The following COL7A1 variants were observed in gnomAD, a reference collection of about 807,000 sequenced individuals.
COL7A1 encodes the protein collagen type VII alpha 1 chain.
A neutral mutation model predicts 456.2 loss-of-function variants in COL7A1; 296 were observed. The ratio of observed to expected loss-of-function variants is 0.65; its 90% CI spans 0.59 to 0.71. The LOEUF (loss-of-function observed/expected upper bound fraction) is 0.71, where lower values mean the gene tolerates loss of function less well. COL7A1 is among the 30% of genes least tolerant of loss of function. The pLI, the probability that COL7A1 is intolerant of heterozygous loss-of-function variation, is 0.00. For synonymous variants in COL7A1, 1,464 were observed against 1,525.9 expected (o/e 0.96, Z 0.95); for missense variants, 3,441 against 4,017.2 (o/e 0.86, Z 3.88).
In COL7A1 at chr3:48,569,725, C is replaced by T; in HGVS notation, c.7557G>A (p.Lys2519=). The T allele has an allele frequency of 1.9e-6, 3 of 1,614,192 alleles. No homozygotes were observed. The highest frequency in any genetic ancestry group is 2.5e-6 in the Non-Finnish European group (3 of 1,180,016). The change falls in exon 101 of 119, where the codon AAG becomes AAA. Residue 2519 remains lysine (K), a splice_region_variant and synonymous_variant. Transcript: ENST00000681320. The surrounding 1 kb of genome is among the most constrained non-coding windows in gnomAD (Gnocchi z 4.9). ...CTGCCCTCCCCATGCCCACACTCAC[C>T]TTGTCACCCTTTAGTCCTGCACTCC... The part of the protein sequence containing the change: ...DVGSAGLKGD[K]GDSAVILGPP...
At position 48,579,946 on chromosome 3, in the gene COL7A1, A is replaced by G. The variant is rs1054348815; in HGVS notation, c.5124+85T>C. ...AGGGACAGTGGGGGAAGTGGGAGTTAGTGGAAGGAATGAGGGGACATGATG... is the reference window on the plus strand; with the variant it reads ...AGGGACAGTGGGGGAAGTGGGAGTTGGTGGAAGGAATGAGGGGACATGATG... On this transcript the variant is annotated intron_variant, in intron 57 of 118. Transcript: ENST00000681320. This position sits in a 1 kb window ranked among gnomAD's most constrained non-coding sequence, Gnocchi z 4.4. 6.2e-7 allele frequency: 1 copy of G among 1,605,408 alleles called. No individual in the cohort carries two copies. Among genetic ancestry groups the G allele is most frequent in the Non-Finnish European group, 8.5e-7 (1 of 1,172,106 alleles).
In COL7A1 at chr3:48,588,705, C is replaced by T. The variant is rs1238130301; in HGVS notation, c.2524G>A (p.Val842Met). ...RGLEGGVSYS[V>M]RVTALVGDRE... is the part of the protein sequence containing the mutation. ...TCCCCGACAAGTGCAGTCACTCGCACTGAGTAGCTGACTCCACCTTCGAGA... is the reference window on the plus strand; with the variant it reads ...TCCCCGACAAGTGCAGTCACTCGCATTGAGTAGCTGACTCCACCTTCGAGA... Residue 842 changes from valine to methionine, a missense_variant, in exon 20 of 119, where the codon GTG (valine) becomes ATG (methionine). Val to Met is a conservative substitution (Grantham distance 21, BLOSUM62 1). Transcript: ENST00000681320. The surrounding 1 kb of genome is among the most constrained non-coding windows in gnomAD (Gnocchi z 4.6). 1.2e-6 allele frequency: 2 copies of T among 1,613,910 alleles called. No homozygotes were observed. Among genetic ancestry groups the T allele is most frequent in the Non-Finnish European group, 1.7e-6 (2 of 1,180,040 alleles).
chr3:48,575,530 C>T lies in COL7A1; in HGVS notation c.5989G>A (p.Gly1997Ser), dbSNP rs1206267242. 5.6e-6 allele frequency: 9 copies of T among 1,612,696 alleles called. No homozygotes were observed. The highest frequency in any genetic ancestry group is 4.0e-5 in the African/African-American group (3 of 74,928). ...QGPPGKEGPI[G>S]FPGERGLKGD... ...TTCAGCCCGCGTTCTCCAGGAAAGC[C>T]GATGGGGCCCTGCAGGAGTGGAAGA... is the stretch of plus-strand genomic sequence containing the variant. The change falls in exon 74 of 119, where the codon GGC (glycine) becomes AGC (serine). Residue 1997 changes from glycine (G) to serine (S), a missense_variant. This residue lies in a region of COL7A1 where 2,084 missense variants were observed against 2,501.3 expected (regional missense o/e 0.83). Coordinates refer to ENST00000681320, the MANE Select transcript of COL7A1 (RefSeq NM_000094.4). This position sits in a 1 kb window ranked among gnomAD's most constrained non-coding sequence, Gnocchi z 6.3.
chr3:48,592,087 GC>G lies in COL7A1; in HGVS notation c.1240+14del. On this transcript the variant is annotated intron_variant, in intron 10 of 118. Coordinates refer to ENST00000681320, the MANE Select transcript of COL7A1 (RefSeq NM_000094.4). This position sits in a 1 kb window ranked among gnomAD's most constrained non-coding sequence, Gnocchi z 7.6. ...CTGCCCGTCCCAGCCTGAAGAAAGT[GC>G]CCAGCCTTCTCACCAGTGCGAGCCA... is the stretch of plus-strand genomic sequence containing the variant. 1 of 1,614,176 alleles carries G rather than the reference GC, an allele frequency of 6.2e-7. No homozygotes were observed. The highest frequency in any genetic ancestry group is 8.5e-7 in the Non-Finnish European group (1 of 1,180,016).
Position 48,574,002 on chromosome 3 carries a change from C to A in COL7A1, c.6502-112G>T. ...ATTTCCATACCTCACCCTTTCCAGTCACAGATAATACCTACCCATGGACTG... is the reference window on the plus strand; with the variant it reads ...ATTTCCATACCTCACCCTTTCCAGTAACAGATAATACCTACCCATGGACTG... On this transcript the variant is annotated intron_variant, in intron 80 of 118. Transcript: ENST00000681320. This position sits in a 1 kb window ranked among gnomAD's most constrained non-coding sequence, Gnocchi z 5.0. 1 of 1,387,584 alleles carries A rather than the reference C, an allele frequency of 7.2e-7. No individual in the cohort carries two copies. The highest frequency in any genetic ancestry group is 1.2e-5 in the South Asian group (1 of 81,046). The allele number at this position is 1,387,584 out of a possible 1,614,324, so 86.0% of individuals were successfully genotyped here.
At position 48,571,610 on chromosome 3, in the gene COL7A1, C is replaced by T. The variant is rs2043925746; in HGVS notation, c.7069-332G>A. On this transcript the variant is annotated intron_variant, in intron 92 of 118. Coordinates refer to ENST00000681320, the MANE Select transcript of COL7A1 (RefSeq NM_000094.4). The surrounding 1 kb of genome is among the most constrained non-coding windows in gnomAD (Gnocchi z 4.6). ...TCAGAGGGGAACCCCAACACGTCCACTCCCGGGTAGAGCAGGCATGGCCAC... is the reference window on the plus strand; with the variant it reads ...TCAGAGGGGAACCCCAACACGTCCATTCCCGGGTAGAGCAGGCATGGCCAC... The T allele has an allele frequency of 3.0e-6, 2 of 660,252 alleles. No individual in the cohort carries two copies. Among genetic ancestry groups the T allele is most frequent in the Admixed American group, 4.2e-5 (2 of 48,164 alleles). 40.9% of individuals were successfully genotyped at this position (660,252 alleles called of 1,614,324 possible). A position where few individuals can be genotyped will look rare whatever the true frequency, so the allele number is the denominator to read the frequency against.
Position 48,581,175 on chromosome 3 carries a change from C to A in COL7A1, c.4900-18G>T. The A allele has an allele frequency of 1.2e-6, 2 of 1,613,686 alleles. No homozygotes were observed. Among genetic ancestry groups the A allele is most frequent in the Non-Finnish European group, 1.7e-6 (2 of 1,179,894 alleles). On this transcript the variant is annotated intron_variant, in intron 52 of 118. Coordinates refer to ENST00000681320, the MANE Select transcript of COL7A1 (RefSeq NM_000094.4). This position sits in a 1 kb window ranked among gnomAD's most constrained non-coding sequence, Gnocchi z 5.8. ...ACTTCACCCTGTGAAACATGAGAGT[C>A]AGCCCTGGTTCCAAGAACCCCCATG...
At position 48,594,684 on chromosome 3, in the gene COL7A1, A is replaced by G; in HGVS notation, c.86-136T>C. 9.2e-7 allele frequency: 1 copy of G among 1,085,268 alleles called. No homozygotes were observed. The highest frequency in any genetic ancestry group is 1.3e-6 in the Non-Finnish European group (1 of 757,202). 67.2% of individuals were successfully genotyped at this position (1,085,268 alleles called of 1,614,324 possible). A position where few individuals can be genotyped will look rare whatever the true frequency, so the allele number is the denominator to read the frequency against. Reference sequence around the variant, plus strand: ...TGCAAACCAGGGCCGAATCGGCCTGAGCCTGAGGGCCTTGGAGGGAGTTGA... The same window carrying G: ...TGCAAACCAGGGCCGAATCGGCCTGGGCCTGAGGGCCTTGGAGGGAGTTGA... On this transcript the variant is annotated intron_variant, in intron 2 of 118. Coordinates refer to ENST00000681320, the MANE Select transcript of COL7A1 (RefSeq NM_000094.4). The surrounding 1 kb of genome is among the most constrained non-coding windows in gnomAD (Gnocchi z 5.5).
intron 37 of COL7A1, 91 bp downstream of exon 37, chr3:48,584,207 G>A (rs1245621392): frequency 6.5e-7 from 1 of 1,547,346 alleles, no homozygotes; most frequent in Non-Finnish European, 8.8e-7. Context: ...TAATCAAAGG[G>A]TCACAAGGGC....
Position 48,589,326 on chromosome 3 carries a change from C to T in COL7A1, c.2314+1G>A. The T allele has an allele frequency of 6.2e-7, 1 of 1,612,482 alleles. No individual in the cohort carries two copies. Among genetic ancestry groups the T allele is most frequent in the Non-Finnish European group, 8.5e-7 (1 of 1,179,968 alleles). On this transcript the variant is annotated splice_donor_variant, in intron 18 of 118. Transcript: ENST00000681320. LOFTEE classifies it high-confidence loss of function. Reference sequence around the variant, plus strand: ...CTAGTAGCTGGCCAGGGTCCACTCACCAGTCCTCACAACCACAGAGGCAGG... The same window carrying T: ...CTAGTAGCTGGCCAGGGTCCACTCATCAGTCCTCACAACCACAGAGGCAGG...
At position 48,575,938 on chromosome 3, in the gene COL7A1, C is replaced by G; in HGVS notation, c.5821-36G>C. On this transcript the variant is annotated intron_variant, in intron 71 of 118. Transcript: ENST00000681320. The surrounding 1 kb of genome is among the most constrained non-coding windows in gnomAD (Gnocchi z 6.3). ...AGTCTGGGTGAAGGGCTGCCCATGACAGAGAAGCTCCTGCCTTCTGCCCCG... is the reference window on the plus strand; with the variant it reads ...AGTCTGGGTGAAGGGCTGCCCATGAGAGAGAAGCTCCTGCCTTCTGCCCCG... 1 of 1,614,124 alleles carries G rather than the reference C, an allele frequency of 6.2e-7. No individual in the cohort carries two copies. Among genetic ancestry groups the G allele is most frequent in the Non-Finnish European group, 8.5e-7 (1 of 1,180,024 alleles).
Position 48,578,248 on chromosome 3 carries a change from T to C in COL7A1, c.5532+73A>G. ...TCTACACGTGTGCCTCATGTGTTGC[T>C]ACAGATCTTGGCTGTGTAGGTGTGC... On this transcript the variant is annotated intron_variant, in intron 65 of 118. Coordinates refer to ENST00000681320, the MANE Select transcript of COL7A1 (RefSeq NM_000094.4). This position sits in a 1 kb window ranked among gnomAD's most constrained non-coding sequence, Gnocchi z 4.7. The C allele has an allele frequency of 1.3e-6, 2 of 1,569,326 alleles. No individual in the cohort carries two copies. Among genetic ancestry groups the C allele is most frequent in the Non-Finnish European group, 1.7e-6 (2 of 1,143,448 alleles).
rs753441096 is a variant in COL7A1, at chr3:48,569,594, T to G, written c.7612A>C (p.Met2538Leu). 1 of 1,613,694 alleles carries G rather than the reference T, an allele frequency of 6.2e-7. No homozygotes were observed. The highest frequency in any genetic ancestry group is 1.7e-5 in the Admixed American group (1 of 60,022). Residue 2538 changes from methionine (M) to leucine (L), a missense_variant and splice_region_variant, in exon 102 of 119, where the codon ATG becomes CTG. By Grantham distance (15) the Met-to-Leu change is conservative (BLOSUM62 2). Transcript: ENST00000681320. This position sits in a 1 kb window ranked among gnomAD's most constrained non-coding sequence, Gnocchi z 4.9. ...PPGPRGAKGD[M>L]GERGPRGLDG... ...AGTCCACACGTGGGCCCACTCACCA[T>G]GTCCCCCTTGGCACCCCGTGGGCCT...
intron 16 of COL7A1, among the ~76,000 whole-genome samples, chr3:48,589,933 C>T (rs1016787689): frequency 6.6e-6 from 1 of 151,732 alleles, no homozygotes; most frequent in African/African-American, 2.4e-5. Flanking sequence ...GATTTGGGTC[C>T]AGCAAAAAAG....
chr3:48,588,848 G>C lies in COL7A1; in HGVS notation c.2440+22C>G, dbSNP rs778845814. ...GAGCAGTCCCAGCCAGGAAGGACAG[G>C]GGTGGCGTCAGGGAGCCATACCTTC... On this transcript the variant is annotated intron_variant, in intron 19 of 118. Transcript: ENST00000681320. The surrounding 1 kb of genome is among the most constrained non-coding windows in gnomAD (Gnocchi z 4.6). 1.9e-6 allele frequency: 3 copies of C among 1,613,364 alleles called. No homozygotes were observed. The highest frequency in any genetic ancestry group is 2.7e-5 in the African/African-American group (2 of 74,940).
At position 48,570,110 on chromosome 3, in the gene COL7A1, G is replaced by A; in HGVS notation, c.7485+24C>T. The A allele has an allele frequency of 1.2e-6, 2 of 1,613,998 alleles. No homozygotes were observed. The highest frequency in any genetic ancestry group is 1.7e-6 in the Non-Finnish European group (2 of 1,179,930). ...GGCAGGGGACTGAAGTCACAGCACT[G>A]TCACTTTCCCCAGCGGGACCCACCG... On this transcript the variant is annotated intron_variant, in intron 99 of 118. Transcript: ENST00000681320. This position sits in a 1 kb window ranked among gnomAD's most constrained non-coding sequence, Gnocchi z 5.5.
At position 48,570,758 on chromosome 3, in the gene COL7A1, T is replaced by C; in HGVS notation, c.7273-48A>G. ...GAGGCAGAGAGTGACTTGGGAACCC[T>C]CCTACCCTCTGCCCCCTCAAGACTG... On this transcript the variant is annotated intron_variant, in intron 95 of 118. Transcript: ENST00000681320. This position sits in a 1 kb window ranked among gnomAD's most constrained non-coding sequence, Gnocchi z 5.5. 6.4e-7 allele frequency: 1 copy of C among 1,557,426 alleles called. No homozygotes were observed. The highest frequency in any genetic ancestry group is 8.7e-7 in the Non-Finnish European group (1 of 1,150,630).
chr3:48,588,654 C>A lies in COL7A1; in HGVS notation c.2575G>T (p.Val859Phe). 6.2e-7 allele frequency: 1 copy of A among 1,613,882 alleles called. No homozygotes were observed. The highest frequency in any genetic ancestry group is 8.5e-7 in the Non-Finnish European group (1 of 1,180,050). Residue 859 changes from valine to phenylalanine, a missense_variant, in exon 20 of 119, where the codon GTT becomes TTT. Around this residue, in one of 3 missense-constraint regions of COL7A1, gnomAD observed 444 missense variants for 427.6 expected, o/e 1.04. Transcript: ENST00000681320. This position sits in a 1 kb window ranked among gnomAD's most constrained non-coding sequence, Gnocchi z 4.6. ...GDREGTPVSI[V>F]VTTPPEAPPA... ...ATGCTCTGCCTACGCGTAGTGACAA[C>A]AATGGAGACAGGTGTGCCCTCGCGG...
chr3:48,583,429 C>T lies in COL7A1; in HGVS notation c.4402-1G>A. The T allele has an allele frequency of 6.2e-7, 1 of 1,614,162 alleles. No individual in the cohort carries two copies. Among genetic ancestry groups the T allele is most frequent in the Non-Finnish European group, 8.5e-7 (1 of 1,180,018 alleles). On this transcript the variant is annotated splice_acceptor_variant, in intron 41 of 118. Coordinates refer to ENST00000681320, the MANE Select transcript of COL7A1 (RefSeq NM_000094.4). LOFTEE classifies it high-confidence loss of function. This position sits in a 1 kb window ranked among gnomAD's most constrained non-coding sequence, Gnocchi z 5.1. ...TAGCTCCAGGAGGTCCCCGTGGGCC[C>T]TGGAAGGGATGAATTTGGGGGTTCA...
Sources: allele counts gnomAD v4.1 joint callset (sites outside exome capture counted in the v4.1 genomes callset), GRCh38; gene constraint gnomAD v4.1.1; regional missense constraint gnomAD v4.1.1; non-coding constraint Gnocchi (gnomAD v3.1); transcripts MANE v1.5; gene names NCBI Gene and HGNC (gene_info 2026-07-23, HGNC 2026-07-21).